PAPPA: variants seen among roughly 807,000 people sequenced by gnomAD.
PAPPA encodes the protein pappalysin-1.
Under a neutral mutation model 164.0 loss-of-function variants are expected in PAPPA, and 60 were observed. That is an observed-to-expected ratio of 0.37 (90% CI 0.30 to 0.45). The LOEUF is 0.45. Ranked by LOEUF, PAPPA falls within the 20% of genes least tolerant of loss-of-function variation. PAPPA has a pLI of 1.00. For missense variants in PAPPA, 1,782 were observed against 2,087.3 expected, an observed-to-expected ratio of 0.85 and a Z score of 2.85; for synonymous variants, 875 against 814.1, an observed-to-expected ratio of 1.07 and a Z score of -1.27.
intron 13 of PAPPA, among the ~76,000 whole-genome samples, chr9:116,338,677 G>A (rs1302303852): frequency 6.6e-6 from 1 of 152,228 alleles, no homozygotes; most frequent in Non-Finnish European, 1.5e-5. Flanking sequence ...GGAATCACTA[G>A]TCTGGGGAAT....
Position 116,211,745 on chromosome 9 carries a change from C to G in PAPPA, c.1731C>G (p.Ile577Met). 6.2e-7 allele frequency: 1 copy of G among 1,614,140 alleles called. No homozygotes were observed. Reference protein sequence around the residue: ...SLGLYHVFRGISEIQSCSDPC... With the variant: ...SLGLYHVFRGMSEIQSCSDPC... Reference sequence around the variant, plus strand: ...GCCTCTATCACGTCTTCCGAGGCATCTCAGAAATCCAGTCCTGCAGTGACC... The same window carrying G: ...GCCTCTATCACGTCTTCCGAGGCATGTCAGAAATCCAGTCCTGCAGTGACC... The change falls in exon 4 of 22, where the codon ATC becomes ATG. Residue 577 changes from isoleucine (I) to methionine (M), a missense_variant. By Grantham distance (10) the Ile-to-Met change is conservative. Around this residue, in one of 2 missense-constraint regions of PAPPA, gnomAD observed 1,324 missense variants for 1,656.9 expected, o/e 0.80. Coordinates refer to ENST00000328252, the MANE Select transcript of PAPPA (RefSeq NM_002581.5).
At chr9:116,369,656 C>T (rs1201946771) in intron 19 of PAPPA, among the ~76,000 whole-genome samples, 1 of 152,098 alleles carries the variant, frequency 6.6e-6, no homozygotes, top group Non-Finnish European at 1.5e-5. Flanking sequence ...GGGCAAATTC[C>T]CACCCTTCCC....
intron 8 of PAPPA, among the ~76,000 whole-genome samples, chr9:116,270,633 T>C (rs1208823912): frequency 2.0e-5 from 3 of 152,114 alleles, no homozygotes; most frequent in Non-Finnish European, 4.4e-5. Flanking sequence ...TAAGCCCAAT[T>C]CAAAGATCAT....
intron 4 of PAPPA, among the ~76,000 whole-genome samples, chr9:116,212,353 T>C (rs181580537): frequency 2.6e-5 from 4 of 152,318 alleles, no homozygotes; most frequent in African/African-American, 7.2e-5. Flanking sequence ...CTTATCATAG[T>C]ACTTTTGAGT....
chr9:116,167,218 G>A (rs145875739), intron 1 of PAPPA, among the ~76,000 whole-genome samples: 1 of 152,120 alleles, frequency 6.6e-6, no homozygotes, highest in African/African-American at 2.4e-5. Flanking sequence ...ATCTGAGGTT[G>A]CTCAAGTCCC....
intron 1 of PAPPA, among the ~76,000 whole-genome samples, chr9:116,170,917 C>A (rs1216924375): frequency 6.6e-6 from 1 of 151,932 alleles, no homozygotes; most frequent in Non-Finnish European, 1.5e-5. Flanking sequence ...CTTCACTGAA[C>A]CTTATGCTTC....
rs1428275483 is a variant in PAPPA at position 116,400,894 on chromosome 9, T to C, written c.*4278T>C. On this transcript the variant is annotated 3_prime_UTR_variant, in exon 22 of 22. Coordinates refer to ENST00000328252, the MANE Select transcript of PAPPA (RefSeq NM_002581.5). ...ACAAGTTATCCAATTGCCTCTACAT[T>C]TGCATCAGTTTCTCTAGCTGCAAAA... The C allele has an allele frequency of 6.6e-6, 1 of 152,604 alleles. No individual in the cohort carries two copies. The highest frequency in any genetic ancestry group is 2.4e-5 in the African/African-American group (1 of 41,456). The allele number at this position is 152,604 out of a possible 1,614,324, so 9.5% of individuals were successfully genotyped here.
chr9:116,220,865 A>G (rs1844436360), intron 5 of PAPPA, among the ~76,000 whole-genome samples: 1 of 151,948 alleles, frequency 6.6e-6, no homozygotes, highest in South Asian at 2.1e-4. Flanking sequence ...AGCCTGGGCA[A>G]CAGAGCGAAA....
At chr9:116,308,536 T>A (rs578033936) in intron 10 of PAPPA, among the ~76,000 whole-genome samples, 1 of 152,328 alleles carries the variant, frequency 6.6e-6, no homozygotes, top group African/African-American at 2.4e-5. Context: ...AGGGCTCATC[T>A]CTATAAGGGG....
intron 6 of PAPPA, among the ~76,000 whole-genome samples, chr9:116,232,556 C>T (rs980317858): frequency 6.6e-6 from 1 of 152,200 alleles, no homozygotes; most frequent in Non-Finnish European, 1.5e-5. Flanking sequence ...CCATCTGAGT[C>T]TCAGTTTCCT....
intron 9 of PAPPA, among the ~76,000 whole-genome samples, chr9:116,273,540 T>A (rs1845161569): frequency 6.6e-6 from 1 of 152,232 alleles, no homozygotes; most frequent in African/African-American, 2.4e-5. Context: ...GCTTGTTTAC[T>A]GGAGCCAGGT....
rs60349827 is a variant in PAPPA at position 116,256,009 on chromosome 9, G to GA, written c.2733-9835dup. ...AAATGCCTGAGCTGAAAAATTAAGT[G>GA]AAAAAAAAAAAAAGATTCCAGGTTA... On this transcript the variant is annotated intron_variant, in intron 7 of 21. Coordinates refer to ENST00000328252, the MANE Select transcript of PAPPA (RefSeq NM_002581.5). Among the ~76,000 whole-genome samples the GA allele has an allele frequency of 3.9e-3, 522 of 134,352 alleles. 2 individuals are homozygous for GA. The highest frequency in any genetic ancestry group is 8.1e-3 in the African/African-American group (298 of 37,018). 88.1% of individuals were successfully genotyped at this position (134,352 alleles called of 152,430 possible).
chr9:116,194,378 T>C (rs1844079469), intron 2 of PAPPA, among the ~76,000 whole-genome samples: 1 of 152,208 alleles, frequency 6.6e-6, no homozygotes, highest in South Asian at 2.1e-4. Flanking sequence ...AAGGGGGCAT[T>C]GTTATTTTTC....
Position 116,235,585 on chromosome 9 carries a change from C to T in PAPPA, c.2680C>T (p.Leu894Phe). 6.2e-7 allele frequency: 1 copy of T among 1,613,492 alleles called. No individual in the cohort carries two copies. Among genetic ancestry groups the T allele is most frequent in the African/African-American group, 1.3e-5 (1 of 75,004 alleles). The change falls in exon 7 of 22, where the codon CTC (leucine) becomes TTC (phenylalanine). Residue 894 changes from leucine to phenylalanine, a missense_variant. By Grantham distance (22) the Leu-to-Phe change is conservative. Around this residue, in one of 2 missense-constraint regions of PAPPA, gnomAD observed 1,324 missense variants for 1,656.9 expected, o/e 0.80. Coordinates refer to ENST00000328252, the MANE Select transcript of PAPPA (RefSeq NM_002581.5). ...GTATAAGGTGGTCCGGGACCCTCCT[C>T]TCCAGATGGATGTGGCCTCCATCCT... ...LKYKVVRDPPLQMDVASILHL... is the reference protein window; with the variant it reads ...LKYKVVRDPPFQMDVASILHL...
chr9:116,282,215 C>G (rs982733518), intron 9 of PAPPA, among the ~76,000 whole-genome samples: 2 of 152,144 alleles, frequency 1.3e-5, no homozygotes, highest in Non-Finnish European at 2.9e-5. Context: ...CTATATACTT[C>G]AAATCATCTC....
intron 1 of PAPPA, among the ~76,000 whole-genome samples, chr9:116,181,681 T>C (rs1425871790): frequency 1.3e-5 from 2 of 152,080 alleles, no homozygotes; most frequent in African/African-American, 4.8e-5. Context: ...AGTATCGACA[T>C]TGGAAGTTAG....
chr9:116,280,262 ATTAT>A (rs1845250656), intron 9 of PAPPA, among the ~76,000 whole-genome samples: 1 of 152,212 alleles, frequency 6.6e-6, no homozygotes, highest in African/African-American at 2.4e-5. Flanking sequence ...GATACAAATA[ATTAT>A]TTAAGTGTCA....
intron 19 of PAPPA, among the ~76,000 whole-genome samples, chr9:116,370,173 G>C (rs765280672): frequency 2.1e-4 from 32 of 152,172 alleles, no homozygotes; most frequent in Non-Finnish European, 4.0e-4. Flanking sequence ...CGGGGTAAGA[G>C]AGTGAGAGGC....
chr9:116,232,280 A>G, intron 6 of PAPPA, among the ~76,000 whole-genome samples: 1 of 152,186 alleles, frequency 6.6e-6, no homozygotes, highest in South Asian at 2.1e-4. Context: ...AACTATTCTC[A>G]TGCTTGGAAT....
Sources: gnomAD v4.1 joint callset for allele counts (sites outside exome capture counted in the v4.1 genomes callset) on GRCh38, gnomAD v4.1.1 for gene constraint, gnomAD v4.1.1 regional missense constraint, MANE v1.5 for transcripts, NCBI Gene and HGNC (gene_info 2026-07-23, HGNC 2026-07-21) for gene names.